The following ESRRG variants were observed in gnomAD, a reference collection of about 807,000 sequenced individuals.
ESRRG encodes estrogen related receptor gamma.
A neutral mutation model predicts 44.0 loss-of-function variants in ESRRG; 13 were observed. The observed-to-expected ratio is 0.30, with a 90% confidence interval of 0.19 to 0.47. ESRRG has a LOEUF of 0.47. Among genes scored for constraint, ESRRG ranks in the 20% least tolerant of loss-of-function variants. ESRRG has a pLI of 1.00. For synonymous variants in ESRRG, 215 were observed against 214.6 expected (o/e 1.00, Z -0.02); for missense variants, 395 against 580.6 (o/e 0.68, Z 3.29).
At chr1:216,865,144 T>C (rs2096126064) in intron 2 of ESRRG, 1 of 121,060 alleles carries the variant, frequency 8.3e-6, no homozygotes, top group African/African-American at 3.2e-5. Context: ...AGGTTTCTTA[T>C]AAGAAGGTTT....
chr1:216,902,612 T>C (rs905220377), intron 2 of ESRRG, among the ~76,000 whole-genome samples: 2 of 152,240 alleles, frequency 1.3e-5, no homozygotes, highest in Middle Eastern at 3.2e-3. Context: ...TCCTCAATGC[T>C]GGACCCATTC....
intron 1 of ESRRG, among the ~76,000 whole-genome samples, chr1:216,984,055 G>A (rs1011640167): frequency 2.7e-5 from 4 of 149,616 alleles, no homozygotes; most frequent in African/African-American, 9.9e-5. Flanking sequence ...GAATGGGGGG[G>A]GGTATGTGGA....
At chr1:216,955,051 C>T (rs1241329590) in intron 1 of ESRRG, among the ~76,000 whole-genome samples, 8 of 152,092 alleles carry the variant, frequency 5.3e-5, no homozygotes, top group African/African-American at 1.7e-4. Context: ...GCATTGGGAA[C>T]ATTCAAAATT....
chr1:216,778,375 T>C (rs972261780), intron 2 of ESRRG, among the ~76,000 whole-genome samples: 1 of 151,970 alleles, frequency 6.6e-6, no homozygotes, highest in African/African-American at 2.4e-5. Flanking sequence ...GGATAATTCC[T>C]GGGGAGGGAC....
chr1:216,560,423 A>G (rs551302532), intron 5 of ESRRG, among the ~76,000 whole-genome samples: 1 of 152,300 alleles, frequency 6.6e-6, no homozygotes, highest in South Asian at 2.1e-4. Context: ...AATTGTTAAA[A>G]TACCATTCTG....
At chr1:216,537,067 T>C (rs1351653430) in intron 5 of ESRRG, among the ~76,000 whole-genome samples, 1 of 152,028 alleles carries the variant, frequency 6.6e-6, no homozygotes, top group Admixed American at 6.6e-5. Flanking sequence ...CAGGGTGCTA[T>C]AGACTGACAG....
intron 2 of ESRRG, among the ~76,000 whole-genome samples, chr1:216,928,338 C>A (rs1427262450): frequency 1.3e-5 from 2 of 152,114 alleles, no homozygotes; most frequent in Non-Finnish European, 2.9e-5. Flanking sequence ...GTTTTTTCTG[C>A]CCCTTCTAGC....
intron 1 of ESRRG, among the ~76,000 whole-genome samples, chr1:216,987,866 A>T (rs1161423038): frequency 6.6e-6 from 1 of 152,180 alleles, no homozygotes; most frequent in African/African-American, 2.4e-5. Flanking sequence ...CTAACCAATG[A>T]TCGACAGAAG....
At chr1:216,937,833 C>G (rs1489338810) in intron 2 of ESRRG, among the ~76,000 whole-genome samples, 1 of 152,098 alleles carries the variant, frequency 6.6e-6, no homozygotes, top group East Asian at 1.9e-4. Context: ...GCAAACCTCA[C>G]TTTTACACAC....
chr1:216,515,288 T>C (rs900094514), intron 6 of ESRRG, among the ~76,000 whole-genome samples: 5 of 152,074 alleles, frequency 3.3e-5, no homozygotes, highest in African/African-American at 1.2e-4. Flanking sequence ...TGTGTATGTA[T>C]GTATGTGTAT....
chr1:217,118,187 G>T (rs1379251874), intron 1 of ESRRG, among the ~76,000 whole-genome samples: 1 of 152,274 alleles, frequency 6.6e-6, no homozygotes, highest in Non-Finnish European at 1.5e-5. Context: ...AACATAATTT[G>T]CCCAGGGCTA....
chr1:216,867,888 CTCCT>C (rs1370204649), intron 2 of ESRRG, among the ~76,000 whole-genome samples: 1 of 151,958 alleles, frequency 6.6e-6, no homozygotes, highest in Non-Finnish European at 1.5e-5. Context: ...CCCTACAAAA[CTCCT>C]ACTAGCAATC....
At chr1:216,830,168 G>A (rs1001153128) in intron 2 of ESRRG, among the ~76,000 whole-genome samples, 1 of 152,182 alleles carries the variant, frequency 6.6e-6, no homozygotes, top group Non-Finnish European at 1.5e-5. Context: ...TTCATGGGCA[G>A]ATTAGAGGGC....
intron 2 of ESRRG, among the ~76,000 whole-genome samples, chr1:216,816,429 A>T (rs1467654053): frequency 1.3e-5 from 2 of 152,050 alleles, no homozygotes; most frequent in East Asian, 1.9e-4. Context: ...TTGTCAATTT[A>T]AAAAAAAGAG....
intron 3 of ESRRG, among the ~76,000 whole-genome samples, 170 bp downstream of exon 3, chr1:216,650,803 T>A (rs1054833709): frequency 2.6e-5 from 4 of 152,158 alleles, no homozygotes; most frequent in Admixed American, 6.6e-5. Flanking sequence ...TGTGAAGTGG[T>A]TAGCCATAAG....
In ESRRG at chr1:217,044,493, T is replaced by C. The variant is rs191749882; in HGVS notation, c.-106+45014A>G. ...AAATCTTTAATTCATCTCTTGTTGGTTCCTAACGTAATTCACATACTAACT... is the reference window on the plus strand; with the variant it reads ...AAATCTTTAATTCATCTCTTGTTGGCTCCTAACGTAATTCACATACTAACT... On this transcript the variant is annotated intron_variant, in intron 1 of 7. Transcript: ENST00000359162. Among the ~76,000 whole-genome samples the C allele has an allele frequency of 1.9e-3, 284 of 152,290 alleles. 1 individual carries two copies. Among genetic ancestry groups the C allele is most frequent in the Non-Finnish European group, 3.4e-3 (232 of 68,010 alleles).
intron 1 of ESRRG, among the ~76,000 whole-genome samples, chr1:217,120,734 T>C (rs191573841): frequency 1.6e-4 from 24 of 152,314 alleles, no homozygotes; most frequent in Admixed American, 1.4e-3. Context: ...ATCTTTCTCA[T>C]GTGGTTAATT....
chr1:217,104,232 A>G (rs115398206), intron 1 of ESRRG, among the ~76,000 whole-genome samples: 123 of 152,300 alleles, frequency 8.1e-4, no homozygotes, highest in African/African-American at 2.9e-3. Context: ...TGTGAACAGC[A>G]TGGGTGTGGA....
chr1:216,914,745 A>G (rs569399894), intron 2 of ESRRG, among the ~76,000 whole-genome samples: 1 of 152,252 alleles, frequency 6.6e-6, no homozygotes, highest in East Asian at 1.9e-4. Context: ...GGCAGTGCTG[A>G]CCATTTGCAT....
Sources: allele counts gnomAD v4.1 joint callset (sites outside exome capture counted in the v4.1 genomes callset), GRCh38; gene constraint gnomAD v4.1.1; transcripts MANE v1.5; gene names NCBI Gene and HGNC (gene_info 2026-07-23, HGNC 2026-07-21).